The following PVT1 variants were observed in gnomAD, a reference collection of about 807,000 sequenced individuals.
PVT1 encodes the protein Pvt1 oncogene.
intron 3 of PVT1, among the ~76,000 whole-genome samples, chr8:127,955,621 C>T (rs373302488): frequency 1.4e-5 from 2 of 147,304 alleles, no homozygotes; most frequent in East Asian, 2.3e-4. Context: ...CAGTCTCTGT[C>T]GCCCAGGCTG....
chr8:128,065,905 A>C lies in PVT1; in HGVS notation n.913-4255A>C, dbSNP rs181241838. Among the ~76,000 whole-genome samples, 6 of 152,342 alleles carry C rather than the reference A, an allele frequency of 3.9e-5. No homozygotes were observed. In the East Asian group the frequency reaches 1.2e-3, roughly 29 times the overall value. ...TTCACAAATATTTGCTGAGAGTCCT[A>C]CTGTGTGCCCCACACTGCCAACAAG... On this transcript the variant is annotated intron_variant and non_coding_transcript_variant, in intron 4 of 10. Coordinates refer to ENST00000651587, the Ensembl canonical transcript of PVT1.
chr8:127,836,884 C>G (rs1175320317), intron 2 of PVT1, among the ~76,000 whole-genome samples: 1 of 152,002 alleles, frequency 6.6e-6, no homozygotes, highest in Admixed American at 6.6e-5. Context: ...GCCGGGAGTC[C>G]CCCACCTGCT....
intron 3 of PVT1, among the ~76,000 whole-genome samples, chr8:127,971,530 C>T (rs1310492446): frequency 1.3e-5 from 2 of 151,690 alleles, no homozygotes; most frequent in Admixed American, 6.5e-5. Flanking sequence ...AGCAGGGGCC[C>T]AATAATATTT....
rs535974537 is a variant in PVT1 at position 128,095,657 on chromosome 8, C to T, written n.1115-861C>T. On this transcript the variant is annotated intron_variant and non_coding_transcript_variant, in intron 5 of 10. Transcript: ENST00000651587. The stretch of plus-strand genomic sequence containing the variant: ...ATCGTGAGACAGACCTGTGCCCTGC[C>T]GAGCCTAAAATATATATTGTCTGGC... Among the ~76,000 whole-genome samples, 5 of 152,266 alleles carry T rather than the reference C, an allele frequency of 3.3e-5. 1 individual carries two copies. The highest frequency in any genetic ancestry group is 3.4e-3 in the Middle Eastern group (1 of 294).
At chr8:128,018,244 G>C (rs1490297175) in intron 4 of PVT1, among the ~76,000 whole-genome samples, 1 of 152,180 alleles carries the variant, frequency 6.6e-6, no homozygotes, top group East Asian at 1.9e-4. Flanking sequence ...TATAAGGAAA[G>C]AAAAAGATGT....
chr8:128,054,311 A>ATT (rs76130138), intron 4 of PVT1, among the ~76,000 whole-genome samples: 1 of 151,350 alleles, frequency 6.6e-6, no homozygotes, highest in Non-Finnish European at 1.5e-5. Flanking sequence ...GATTTGTTAG[A>ATT]TTTTTTTCCC....
intron 5 of PVT1, among the ~76,000 whole-genome samples, chr8:128,090,100 A>G (rs1012742742): frequency 2.6e-5 from 4 of 152,196 alleles, no homozygotes; most frequent in Non-Finnish European, 5.9e-5. Flanking sequence ...CACTCAATCT[A>G]TGGGATGGGG....
At chr8:128,021,344 A>AGT (rs1472245888) in intron 4 of PVT1, among the ~76,000 whole-genome samples, 2 of 119,354 alleles carry the variant, frequency 1.7e-5, no homozygotes, top group South Asian at 2.8e-4. Flanking sequence ...CTCAGGCTGG[A>AGT]GCACGGTGGC....
At chr8:127,992,102 C>A (rs1259989271) in intron 4 of PVT1, among the ~76,000 whole-genome samples, 1 of 150,454 alleles carries the variant, frequency 6.6e-6, no homozygotes, top group Non-Finnish European at 1.5e-5. Context: ...AAAAAAATTT[C>A]TTGCCAGGCA....
In PVT1 at chr8:127,990,825, A is replaced by C. The variant is rs1038866566; in HGVS notation, n.912+1534A>C. ...TCAAGGTGGGGATACTGGCACACAT[A>C]GGATACTACATACTCCCTAGGTGTC... On this transcript the variant is annotated intron_variant and non_coding_transcript_variant, in intron 4 of 10. Coordinates refer to ENST00000651587, the Ensembl canonical transcript of PVT1. Among the ~76,000 whole-genome samples the C allele has an allele frequency of 2.6e-5, 4 of 152,236 alleles. No homozygotes were observed. The South Asian group carries it at 8.3e-4, about 32-fold the overall frequency.
At chr8:128,035,399 T>C (rs1813449575) in intron 4 of PVT1, among the ~76,000 whole-genome samples, 1 of 152,204 alleles carries the variant, frequency 6.6e-6, no homozygotes, top group Non-Finnish European at 1.5e-5. Context: ...TCAGCCTTCC[T>C]TGGACCTGAG....
intron 3 of PVT1, among the ~76,000 whole-genome samples, chr8:127,982,573 G>T (rs775141506): frequency 9.2e-5 from 14 of 152,024 alleles, no homozygotes; most frequent in Non-Finnish European, 1.8e-4. Flanking sequence ...ACTTTGGGAG[G>T]CAGGGGAGGG....
chr8:127,879,575 C>G (rs960007497), intron 2 of PVT1, among the ~76,000 whole-genome samples: 25 of 152,222 alleles, frequency 1.6e-4, no homozygotes, highest in African/African-American at 5.8e-4. Flanking sequence ...AGAACAAAGT[C>G]TCCGGAGGCA....
Position 127,823,518 on chromosome 8 carries a change from C to T in PVT1, n.372+27447C>T, listed in dbSNP as rs1814755581. ...TCTGCCTGTCCTTAGCCCTGTTTCCCAGAGTGAATCAGGGACAGGTCAGTA... is the reference window on the plus strand; with the variant it reads ...TCTGCCTGTCCTTAGCCCTGTTTCCTAGAGTGAATCAGGGACAGGTCAGTA... On this transcript the variant is annotated intron_variant and non_coding_transcript_variant, in intron 2 of 10. Coordinates refer to ENST00000651587, the Ensembl canonical transcript of PVT1. Among the ~76,000 whole-genome samples, 2 of 152,148 alleles carry T rather than the reference C, an allele frequency of 1.3e-5. 1 individual carries two copies. The highest frequency in any genetic ancestry group is 4.1e-4 in the South Asian group (2 of 4,824).
At chr8:128,044,868 G>A (rs79712788) in intron 4 of PVT1, among the ~76,000 whole-genome samples, 4,147 of 152,246 alleles carry the variant, frequency 0.027, 149 homozygotes, top group East Asian at 0.17. Context: ...CTGAGGGTGC[G>A]GAGTGAGCCT....
intron 2 of PVT1, among the ~76,000 whole-genome samples, chr8:127,825,568 T>C (rs1220977881): frequency 6.6e-6 from 1 of 152,180 alleles, no homozygotes; most frequent in Admixed American, 6.5e-5. Flanking sequence ...ACACAGTAGA[T>C]GATGACATCT....
chr8:127,955,322 A>G (rs1816555575), intron 3 of PVT1, among the ~76,000 whole-genome samples: 1 of 152,218 alleles, frequency 6.6e-6, no homozygotes, highest in South Asian at 2.1e-4. Context: ...GGCCTCCAGA[A>G]TTATGAGAAA....
intron 4 of PVT1, among the ~76,000 whole-genome samples, chr8:128,031,965 C>T (rs1287824946): frequency 2.0e-5 from 3 of 152,130 alleles, no homozygotes; most frequent in African/African-American, 7.2e-5. Context: ...ATAGGACAAC[C>T]ATGTCGTGAT....
intron 5 of PVT1, among the ~76,000 whole-genome samples, chr8:128,078,383 A>AT (rs1451600169): frequency 6.6e-6 from 1 of 152,194 alleles, no homozygotes; most frequent in Non-Finnish European, 1.5e-5. Flanking sequence ...TGGGTTCTCA[A>AT]TAAGTATATT....
Sources: gnomAD v4.1 joint callset for allele counts (sites outside exome capture counted in the v4.1 genomes callset) on GRCh38, gnomAD v4.1.1 for gene constraint, MANE v1.5 for transcripts, NCBI Gene and HGNC (gene_info 2026-07-23, HGNC 2026-07-21) for gene names.